Variants in SLC25A13 observed in about 807,000 individuals in gnomAD.
SLC25A13 encodes electrogenic aspartate/glutamate antiporter SLC25A13, mitochondrial.
SLC25A13 carries 70 observed loss-of-function variants against 85.5 expected under a neutral mutation model. The observed-to-expected ratio is 0.82, with a 90% CI of 0.68 to 1.00. The LOEUF is 1.00. SLC25A13 is among the 50% of genes least tolerant of loss of function. SLC25A13 has a pLI of 0.00. For synonymous variants in SLC25A13, 259 were observed against 288.7 expected, an observed-to-expected ratio of 0.90 and a Z score of 1.04; for missense variants, 765 against 819.8, an observed-to-expected ratio of 0.93 and a Z score of 0.82.
chr7:96,189,363 T>C lies in SLC25A13; in HGVS notation c.864A>G (p.Ala288=). 1 of 1,614,206 alleles carries C rather than the reference T, an allele frequency of 6.2e-7. No individual in the cohort carries two copies. Among genetic ancestry groups the C allele is most frequent in the Non-Finnish European group, 8.5e-7 (1 of 1,180,030 alleles). Residue 288 remains alanine (A), a synonymous_variant, in exon 9 of 18, where the codon GCA becomes GCG. Transcript: ENST00000265631. ...CCAGAGGAGCAATCCGTTCAATGTC[T>C]GCTAAGGTCATACGTCTGTAGGGGA... ...LYEPRGRMTL[A]DIERIAPLEE...
intron 2 of SLC25A13, among the ~76,000 whole-genome samples, chr7:96,292,105 G>A (rs956194130): frequency 4.6e-5 from 7 of 152,146 alleles, no homozygotes; most frequent in African/African-American, 1.7e-4. Context: ...TTCATCCCTG[G>A]GGTGCAAGGC....
At chr7:96,217,998 A>G (rs1321036835) in intron 4 of SLC25A13, among the ~76,000 whole-genome samples, 1 of 151,942 alleles carries the variant, frequency 6.6e-6, no homozygotes, top group Non-Finnish European at 1.5e-5. Flanking sequence ...AATTCGCTCA[A>G]TCTTTAAAAT....
At chr7:96,280,528 C>A (rs1798633720) in intron 2 of SLC25A13, among the ~76,000 whole-genome samples, 1 of 152,058 alleles carries the variant, frequency 6.6e-6, no homozygotes, top group Non-Finnish European at 1.5e-5. Context: ...CCAGCCTGGG[C>A]AAGATGGCGG....
chr7:96,277,060 A>G (rs1798479598), intron 3 of SLC25A13, 136 bp downstream of exon 3: 8 of 784,688 alleles, frequency 1.0e-5, no homozygotes, highest in Non-Finnish European at 1.5e-5. Flanking sequence ...AAATAATGTA[A>G]TAATAATAGT....
chr7:96,201,529 T>A (rs199708275), intron 5 of SLC25A13, among the ~76,000 whole-genome samples: 25 of 107,760 alleles, frequency 2.3e-4, no homozygotes, highest in African/African-American at 7.4e-4. Flanking sequence ...AAAAAAAAAA[T>A]TCATGGTCTA....
chr7:96,227,281 T>C (rs1011269950), intron 4 of SLC25A13, among the ~76,000 whole-genome samples: 4 of 152,210 alleles, frequency 2.6e-5, no homozygotes, highest in African/African-American at 4.8e-5. Flanking sequence ...TAGTGAGATA[T>C]AGACAGACTA....
chr7:96,279,409 T>C (rs977575715), intron 2 of SLC25A13, among the ~76,000 whole-genome samples: 1 of 152,208 alleles, frequency 6.6e-6, no homozygotes, highest in Non-Finnish European at 1.5e-5. Flanking sequence ...AGAGGTTTAA[T>C]GGACTCACAG....
rs552615921 is a variant in SLC25A13 at position 96,122,075 on chromosome 7, C to T, written c.1592-78G>A. On this transcript the variant is annotated intron_variant, in intron 15 of 17. Transcript: ENST00000265631. ...AAATAACTGTGCTTTGAACTGCTGG[C>T]CGTGGAAAGAAAGTTAAAAATCCGA... 7.2e-4 allele frequency: 1,144 copies of T among 1,582,658 alleles called. 1 individual carries two copies. The highest frequency in any genetic ancestry group is 9.4e-4 in the Non-Finnish European group (1,079 of 1,152,146).
chr7:96,191,297 A>G, intron 6 of SLC25A13, 50 bp from the exon 7 acceptor site: 1 of 1,593,702 alleles, frequency 6.3e-7, no homozygotes, highest in Non-Finnish European at 8.6e-7. Flanking sequence ...AAAGATTTAT[A>G]GATGATTCAG....
intron 1 of SLC25A13, among the ~76,000 whole-genome samples, chr7:96,315,545 G>A (rs1800098132): frequency 6.6e-6 from 1 of 152,180 alleles, no homozygotes; most frequent in South Asian, 2.1e-4. Flanking sequence ...CCTGGTAAAA[G>A]GGGACAGGAC....
At chr7:96,249,567 T>C (rs995702316) in intron 3 of SLC25A13, among the ~76,000 whole-genome samples, 4 of 152,202 alleles carry the variant, frequency 2.6e-5, no homozygotes. Flanking sequence ...TCTGTCCCAA[T>C]TGATCTGGCA....
chr7:96,134,793 T>TTATATATATATATA (rs10522412), intron 14 of SLC25A13, among the ~76,000 whole-genome samples: 1,375 of 102,158 alleles, frequency 0.013, 66 homozygotes, highest in Middle Eastern at 0.025. Context: ...ACAAACAATT[T>TTATATATATATATA]TATATATATA....
At chr7:96,127,421 TTA>T (rs1046347021) in intron 15 of SLC25A13, among the ~76,000 whole-genome samples, 2 of 152,104 alleles carry the variant, frequency 1.3e-5, no homozygotes, top group Non-Finnish European at 2.9e-5. Context: ...TAGTCCCAGT[TTA>T]TAACTAGATA....
At chr7:96,260,801 A>T (rs536013076) in intron 3 of SLC25A13, among the ~76,000 whole-genome samples, 2 of 152,194 alleles carry the variant, frequency 1.3e-5, no homozygotes, top group South Asian at 4.1e-4. Context: ...ACTGCAGCAC[A>T]GTCCTAATTT....
chr7:96,310,469 G>C (rs929797443), intron 1 of SLC25A13, among the ~76,000 whole-genome samples: 17 of 152,182 alleles, frequency 1.1e-4, no homozygotes, highest in African/African-American at 3.1e-4. Flanking sequence ...GTAACATAAT[G>C]CTAGTTTATC....
At position 96,296,566 on chromosome 7, in the gene SLC25A13, C is replaced by T. The variant is rs1268498305; in HGVS notation, c.69+332G>A. ...CACGATCTCAGCTCACTGCAACCTCCGCCTCCCAGGTTCAAGCGATTCTCC... is the reference window on the plus strand; with the variant it reads ...CACGATCTCAGCTCACTGCAACCTCTGCCTCCCAGGTTCAAGCGATTCTCC... On this transcript the variant is annotated intron_variant, in intron 2 of 17. Coordinates refer to ENST00000265631, the MANE Select transcript of SLC25A13 (RefSeq NM_014251.3). Among the ~76,000 whole-genome samples, 3 of 151,840 alleles carry T rather than the reference C, an allele frequency of 2.0e-5. No homozygotes were observed. In the East Asian group the frequency reaches 5.8e-4, roughly 29 times the overall value.
chr7:96,241,560 A>G (rs1796999758), intron 3 of SLC25A13, among the ~76,000 whole-genome samples: 1 of 152,174 alleles, frequency 6.6e-6, no homozygotes, highest in Admixed American at 6.5e-5. Flanking sequence ...ATGGACAATA[A>G]TATTTTGCAT....
chr7:96,250,990 A>G (rs148290524), intron 3 of SLC25A13, among the ~76,000 whole-genome samples: 2 of 152,288 alleles, frequency 1.3e-5, no homozygotes, highest in Non-Finnish European at 2.9e-5. Context: ...AGTGAACTAA[A>G]CAGACAAAAA....
chr7:96,309,669 C>T (rs1799881337), intron 1 of SLC25A13: 1 of 152,084 alleles, frequency 6.6e-6, no homozygotes, highest in South Asian at 2.1e-4. Context: ...CAGAGAAGGT[C>T]CTTGTCCTCA....
Sources: allele counts gnomAD v4.1 joint callset (sites outside exome capture counted in the v4.1 genomes callset), GRCh38; gene constraint gnomAD v4.1.1; transcripts MANE v1.5; gene names NCBI Gene and HGNC (gene_info 2026-07-23, HGNC 2026-07-21).